The following SLC35B4 variants were observed in gnomAD, a reference collection of about 807,000 sequenced individuals.
The protein encoded by SLC35B4 is nucleotide sugar transporter SLC35B4.
In SLC35B4, 28 loss-of-function variants were observed where a neutral mutation model predicts 39.5. The observed-to-expected ratio is 0.71, with a 90% CI of 0.53 to 0.97. SLC35B4 has a LOEUF of 0.97. Ranked by LOEUF, SLC35B4 falls within the 50% of genes least tolerant of loss-of-function variation. The pLI is 0.00. For synonymous variants in SLC35B4, 145 were observed against 150.4 expected, an observed-to-expected ratio of 0.96 and a Z score of 0.26; for missense variants, 334 against 414.3, an observed-to-expected ratio of 0.81 and a Z score of 1.68.
At chr7:134,310,835 C>T (rs1331850786) in intron 1 of SLC35B4, among the ~76,000 whole-genome samples, 1 of 152,116 alleles carries the variant, frequency 6.6e-6, no homozygotes, top group East Asian at 1.9e-4. Context: ...GCGTGAGCCA[C>T]CACACCCGGC....
intron 2 of SLC35B4, 79 bp downstream of exon 2, chr7:134,309,287 C>T (rs534559133): frequency 3.0e-6 from 2 of 660,110 alleles, no homozygotes; most frequent in South Asian, 2.7e-5. Flanking sequence ...AAGAATGTCT[C>T]ATCCTCCTTT....
chr7:134,305,420 C>T (rs538017012), intron 3 of SLC35B4, among the ~76,000 whole-genome samples: 16 of 152,158 alleles, frequency 1.1e-4, no homozygotes, highest in Admixed American at 4.6e-4. Flanking sequence ...ATTATCAGCC[C>T]TCCTTATAGG....
At chr7:134,309,860 C>A (rs574472764) in intron 1 of SLC35B4, among the ~76,000 whole-genome samples, 4 of 152,138 alleles carry the variant, frequency 2.6e-5, no homozygotes, top group Non-Finnish European at 4.4e-5. Flanking sequence ...GGTAGCAAAG[C>A]CCAGGGACAG....
chr7:134,303,507 A>C (rs1180077381), intron 4 of SLC35B4, among the ~76,000 whole-genome samples: 1 of 152,198 alleles, frequency 6.6e-6, no homozygotes, highest in Non-Finnish European at 1.5e-5. Context: ...CCAAGAAGAA[A>C]GAAATCAACT....
chr7:134,319,039 A>G (rs549320687), upstream of SLC35B4, among the ~76,000 whole-genome samples: 30 of 152,290 alleles, frequency 2.0e-4, no homozygotes, highest in African/African-American at 7.2e-4. Flanking sequence ...AAGCCTGTAA[A>G]ATCATTAACT....
intron 4 of SLC35B4, among the ~76,000 whole-genome samples, chr7:134,304,524 ATCTT>A (rs1803662933): frequency 6.6e-6 from 1 of 152,228 alleles, no homozygotes; most frequent in South Asian, 2.1e-4. Context: ...CCTCTCTATC[ATCTT>A]TGTAAGTTGG....
intron 8 of SLC35B4, among the ~76,000 whole-genome samples, chr7:134,297,350 A>G (rs918428683): frequency 2.6e-5 from 4 of 152,256 alleles, no homozygotes; most frequent in African/African-American, 9.6e-5. Flanking sequence ...TTAAGGGTCT[A>G]TAAAAGTATT....
At chr7:134,304,748 T>C (rs779758276) in intron 4 of SLC35B4, 57 bp downstream of exon 4, 22 of 1,382,490 alleles carry the variant, frequency 1.6e-5, no homozygotes, top group Non-Finnish European at 1.9e-5. Context: ...GACTAGCTTA[T>C]GGACAGGGGC....
Position 134,294,845 on chromosome 7 carries a change from G to A in SLC35B4, c.984C>T (p.Ser328=), listed in dbSNP as rs149780532. The A allele has an allele frequency of 5.0e-6, 8 of 1,613,916 alleles. No individual in the cohort carries two copies. The highest frequency in any genetic ancestry group is 6.8e-6 in the Non-Finnish European group (8 of 1,180,006). Reference sequence around the variant, plus strand: ...CTCCAGACAGGCCTCAGTTCTTCTTGCTGTCCTTCTGAGGCTCACTTTTTG... The same window carrying A: ...CTCCAGACAGGCCTCAGTTCTTCTTACTGTCCTTCTGAGGCTCACTTTTTG... ...GTTKSEPQKD[S]KKN is the part of the protein sequence containing the mutation. The change falls in exon 10 of 10, where the codon AGC becomes AGT. Residue 328 remains serine (S), a synonymous_variant. Coordinates refer to ENST00000378509, the MANE Select transcript of SLC35B4 (RefSeq NM_032826.5).
At chr7:134,305,398 C>A (rs543827400) in intron 3 of SLC35B4, among the ~76,000 whole-genome samples, 12 of 151,864 alleles carry the variant, frequency 7.9e-5, no homozygotes, top group Non-Finnish European at 1.3e-4. Context: ...AGGATCAATT[C>A]TCAATATAGT....
At chr7:134,310,906 T>C (rs1803820051) in intron 1 of SLC35B4, among the ~76,000 whole-genome samples, 1 of 152,180 alleles carries the variant, frequency 6.6e-6, no homozygotes, top group Non-Finnish European at 1.5e-5. Flanking sequence ...TATGTAATTG[T>C]ATTATTACAT....
At chr7:134,299,665 A>T in intron 7 of SLC35B4, 67 bp from the exon 8 acceptor site, 1 of 1,375,994 alleles carries the variant, frequency 7.3e-7, no homozygotes, top group Non-Finnish European at 1.0e-6. Context: ...GAGTAGCTTT[A>T]CAATGATTAA....
At chr7:134,296,335 C>A in intron 9 of SLC35B4, 56 bp downstream of exon 9, 1 of 1,434,726 alleles carries the variant, frequency 7.0e-7, no homozygotes, top group Non-Finnish European at 9.8e-7. Context: ...ATGACCATTC[C>A]TGTGCCAAAA....
chr7:134,290,770 A>C lies in SLC35B4; in HGVS notation c.*4063T>G, dbSNP rs969573385. 4 of 152,230 alleles carry C rather than the reference A, an allele frequency of 2.6e-5. No homozygotes were observed. Among genetic ancestry groups the C allele is most frequent in the Non-Finnish European group, 4.4e-5 (3 of 68,028 alleles). 9.4% of individuals were successfully genotyped at this position (152,230 alleles called of 1,614,324 possible). A position where few individuals can be genotyped will look rare whatever the true frequency, so the allele number is the denominator to read the frequency against. ...CAGGTAAGATTCAATCACATTTTTC[A>C]GGAGAAAGCTATTGAGACCAATATG... On this transcript the variant is annotated 3_prime_UTR_variant, in exon 10 of 10. Transcript: ENST00000378509.
chr7:134,307,601 A>C (rs955650365), intron 2 of SLC35B4, among the ~76,000 whole-genome samples: 8 of 152,236 alleles, frequency 5.3e-5, no homozygotes, highest in Admixed American at 2.6e-4. Flanking sequence ...ATTTAAAATA[A>C]ATGGCTAAAG....
chr7:134,312,808 C>T (rs10488428), intron 1 of SLC35B4, among the ~76,000 whole-genome samples: 51,515 of 151,946 alleles, frequency 0.34, 10,753 homozygotes, highest in South Asian at 0.49. Flanking sequence ...AGTCTCCCAG[C>T]GGTCAACGGC....
chr7:134,309,312 C>A, intron 2 of SLC35B4, 54 bp downstream of exon 2: 1 of 1,045,720 alleles, frequency 9.6e-7, no homozygotes, highest in Non-Finnish European at 1.4e-6. Context: ...CAGGTACCAC[C>A]TCTTTACTTT....
At chr7:134,306,258 A>AT (rs1219689218) in intron 3 of SLC35B4, among the ~76,000 whole-genome samples, 1 of 146,922 alleles carries the variant, frequency 6.8e-6, no homozygotes, top group Non-Finnish European at 1.5e-5. Context: ...TCTCTGCTTA[A>AT]AAAAAAAAAA....
chr7:134,301,084 A>T (rs1447304256), intron 6 of SLC35B4, among the ~76,000 whole-genome samples: 1 of 152,222 alleles, frequency 6.6e-6, no homozygotes, highest in Non-Finnish European at 1.5e-5. Context: ...TGTTACAAAC[A>T]GCAACAAGGG....
Sources: gnomAD v4.1 joint callset for allele counts (sites outside exome capture counted in the v4.1 genomes callset) on GRCh38, gnomAD v4.1.1 for gene constraint, MANE v1.5 for transcripts, NCBI Gene and HGNC (gene_info 2026-07-23, HGNC 2026-07-21) for gene names.